DENND1A: variants seen among roughly 807,000 people sequenced by gnomAD.
DENND1A encodes DENN domain-containing protein 1A.
Under a neutral mutation model 113.7 loss-of-function variants are expected in DENND1A, and 51 were observed. The observed-to-expected ratio is 0.45, with a 90% CI of 0.36 to 0.57. The LOEUF (loss-of-function observed/expected upper bound fraction) is 0.57. Ranked by LOEUF, DENND1A falls within the 20% of genes least tolerant of loss-of-function variation. DENND1A has a pLI of 0.00. For synonymous variants in DENND1A, 565 were observed against 570.8 expected (o/e 0.99, Z 0.14); for missense variants, 1,258 against 1,395.9 (o/e 0.90, Z 1.57).
At chr9:123,843,408 T>C (rs1842118811) in intron 2 of DENND1A, 1 of 312,294 alleles carries the variant, frequency 3.2e-6, no homozygotes, top group Non-Finnish European at 6.4e-6. Flanking sequence ...CACTGTACCT[T>C]ATGTTTGTTA....
intron 8 of DENND1A, among the ~76,000 whole-genome samples, chr9:123,657,432 G>A (rs1007603612): frequency 3.3e-5 from 5 of 151,754 alleles, no homozygotes; most frequent in African/African-American, 1.2e-4. Context: ...GGTGGGGATG[G>A]GAGGGGATAT....
intron 7 of DENND1A, 91 bp from the exon 8 acceptor site, chr9:123,667,170 C>T (rs778754229): frequency 3.1e-6 from 4 of 1,288,312 alleles, no homozygotes; most frequent in Non-Finnish European, 4.3e-6. Flanking sequence ...GAAAATATTT[C>T]CTTACTCAGA....
chr9:123,685,994 C>T (rs1448939391), intron 5 of DENND1A, among the ~76,000 whole-genome samples: 1 of 137,228 alleles, frequency 7.3e-6, no homozygotes, highest in East Asian at 2.0e-4. Flanking sequence ...ACTGTCTCTA[C>T]TAGAAAAAAA....
chr9:123,851,066 C>G (rs1020441257), intron 2 of DENND1A, among the ~76,000 whole-genome samples: 1 of 152,136 alleles, frequency 6.6e-6, no homozygotes, highest in Non-Finnish European at 1.5e-5. Flanking sequence ...AAAACACAAG[C>G]ATGGAAGTGT....
chr9:123,402,514 G>T (rs1407348229), intron 21 of DENND1A: 1 of 534,788 alleles, frequency 1.9e-6, no homozygotes, highest in Middle Eastern at 3.2e-4. Context: ...AGACATGGGG[G>T]CCTCCCCCTT....
At chr9:123,689,193 T>C (rs926389442) in intron 5 of DENND1A, among the ~76,000 whole-genome samples, 24 of 152,078 alleles carry the variant, frequency 1.6e-4, no homozygotes, top group African/African-American at 5.6e-4. Flanking sequence ...CCCGGCTAAA[T>C]TGTGTATTTT....
At chr9:123,912,921 T>C (rs1854295872) in intron 1 of DENND1A, among the ~76,000 whole-genome samples, 1 of 151,994 alleles carries the variant, frequency 6.6e-6, no homozygotes. Flanking sequence ...CACCCAGCCA[T>C]GGAGGTTTCC....
chr9:123,515,656 A>T (rs2053833965), intron 13 of DENND1A, among the ~76,000 whole-genome samples: 1 of 152,224 alleles, frequency 6.6e-6, no homozygotes, highest in Non-Finnish European at 1.5e-5. Context: ...AAAATGTCAA[A>T]TTTTTATTTT....
At chr9:123,630,562 C>T in intron 9 of DENND1A, 86 bp from the exon 10 acceptor site, 1 of 869,710 alleles carries the variant, frequency 1.1e-6, no homozygotes, top group Non-Finnish European at 1.6e-6. Context: ...TTCTATAATT[C>T]TTCAATATGT....
rs559123409 is a variant in DENND1A at position 123,383,995 on chromosome 9, G to A, written c.1761-82C>T. 511 of 1,535,074 alleles carry A rather than the reference G, an allele frequency of 3.3e-4. 3 individuals are homozygous for A. The highest frequency in any genetic ancestry group is 2.7e-4 in the Non-Finnish European group (306 of 1,140,534). ...GCGGACTCCAGCCCAAGCACATTGA[G>A]GGCTTGAGGGGTGCACGCAGGGGCC... On this transcript the variant is annotated intron_variant, in intron 22 of 23. Coordinates refer to ENST00000394215, the MANE Select transcript of DENND1A (RefSeq NM_001352964.2).
chr9:123,713,127 G>C (rs183623135), intron 5 of DENND1A, among the ~76,000 whole-genome samples: 3 of 152,290 alleles, frequency 2.0e-5, no homozygotes. Context: ...AGTTAACAAG[G>C]GGCAGAGAAT....
intron 13 of DENND1A, among the ~76,000 whole-genome samples, chr9:123,479,569 T>C (rs1453985636): frequency 6.6e-6 from 1 of 152,238 alleles, no homozygotes; most frequent in Non-Finnish European, 1.5e-5. Context: ...TGACAGGTTG[T>C]TTGCCCAGCC....
At chr9:123,688,027 A>G (rs1462309866) in intron 5 of DENND1A, among the ~76,000 whole-genome samples, 1 of 152,254 alleles carries the variant, frequency 6.6e-6, no homozygotes, top group Non-Finnish European at 1.5e-5. Flanking sequence ...TTAGAAGTAG[A>G]GTGGTAAATA....
intron 5 of DENND1A, among the ~76,000 whole-genome samples, chr9:123,717,329 C>A (rs1401623285): frequency 2.6e-5 from 4 of 152,086 alleles, no homozygotes; most frequent in Non-Finnish European, 5.9e-5. Flanking sequence ...TGGGCCATGC[C>A]TTAACTAGGA....
chr9:123,768,161 G>A (rs1190725298), intron 4 of DENND1A, among the ~76,000 whole-genome samples: 2 of 152,132 alleles, frequency 1.3e-5, no homozygotes, highest in Non-Finnish European at 1.5e-5. Context: ...GCATCAACCT[G>A]CTACTGAAAT....
intron 13 of DENND1A, among the ~76,000 whole-genome samples, chr9:123,519,440 T>TA (rs1207444563): frequency 3.9e-5 from 4 of 102,654 alleles, no homozygotes; most frequent in Non-Finnish European, 7.2e-5. Context: ...CATATCTTTT[T>TA]AAATTTTTTT....
chr9:123,879,161 C>G, intron 1 of DENND1A, 140 bp from the exon 2 acceptor site: 1 of 740,366 alleles, frequency 1.4e-6, no homozygotes, highest in Non-Finnish European at 2.2e-6. Flanking sequence ...ACAAGCTACA[C>G]TATTTCTCTG....
At chr9:123,522,783 A>G (rs558414831) in intron 13 of DENND1A, among the ~76,000 whole-genome samples, 1 of 152,276 alleles carries the variant, frequency 6.6e-6, no homozygotes, top group South Asian at 2.1e-4. Context: ...ACTGACTGGG[A>G]GCATACTATA....
intron 18 of DENND1A, among the ~76,000 whole-genome samples, chr9:123,446,438 C>G (rs1397641096): frequency 6.6e-6 from 1 of 152,192 alleles, no homozygotes; most frequent in Non-Finnish European, 1.5e-5. Context: ...CATGCTTACT[C>G]ACTCCCTTCA....
Sources: gnomAD v4.1 joint callset for allele counts (sites outside exome capture counted in the v4.1 genomes callset) on GRCh38, gnomAD v4.1.1 for gene constraint, MANE v1.5 for transcripts, NCBI Gene and HGNC (gene_info 2026-07-23, HGNC 2026-07-21) for gene names.